SCAND3: variants seen among roughly 807,000 people sequenced by gnomAD.
SCAND3 encodes the protein SCAN domain-containing protein 3.
chr6:28,601,960 T>C, the SCAND3 span, among the ~76,000 whole-genome samples: 1 of 142,522 alleles, frequency 7.0e-6, no homozygotes, highest in Non-Finnish European at 1.5e-5. Context: ...ATGCCCTCCA[T>C]TTCCCTCTCT....
the SCAND3 span, among the ~76,000 whole-genome samples, chr6:28,602,490 GAGCCACAGTGCCC>G: frequency 2.0e-5 from 3 of 152,212 alleles, no homozygotes; most frequent in African/African-American, 7.2e-5. Context: ...TTACAGGCGT[GAGCCACAGTGCCC>G]AGCCTCTTTT....
the SCAND3 span, among the ~76,000 whole-genome samples, chr6:28,604,293 C>T: frequency 6.6e-6 from 1 of 152,196 alleles, no homozygotes; most frequent in Non-Finnish European, 1.5e-5. Flanking sequence ...AATTCCTTCC[C>T]CAGCTGTAGC....
the SCAND3 span, among the ~76,000 whole-genome samples, chr6:28,608,621 C>T: frequency 6.6e-6 from 1 of 152,120 alleles, no homozygotes; most frequent in Non-Finnish European, 1.5e-5. Flanking sequence ...AGGAAAGAAA[C>T]CAGTTTTTCC....
the SCAND3 span, among the ~76,000 whole-genome samples, chr6:28,593,908 G>A: frequency 3.9e-4 from 60 of 152,110 alleles, no homozygotes; most frequent in Non-Finnish European, 7.5e-4. Flanking sequence ...GTCTCCTTAT[G>A]TTAGCCAGGC....
At chr6:28,595,330 CAAA>C in the SCAND3 span, among the ~76,000 whole-genome samples, 7 of 37,330 alleles carry the variant, frequency 1.9e-4, no homozygotes, top group Non-Finnish European at 3.2e-4. Flanking sequence ...AACCCAGTCT[CAAA>C]AAAAAAAAAA....
At chr6:28,604,959 T>C in the SCAND3 span, among the ~76,000 whole-genome samples, 1 of 152,210 alleles carries the variant, frequency 6.6e-6, no homozygotes, top group Non-Finnish European at 1.5e-5. Flanking sequence ...TATTTCTACT[T>C]CTGCCAGGAG....
the SCAND3 span, chr6:28,571,889 T>C: frequency 1.2e-6 from 2 of 1,605,866 alleles, no homozygotes; most frequent in Non-Finnish European, 1.7e-6. Flanking sequence ...ACCAATACCT[T>C]ACATATCAAT....
At chr6:28,589,575 C>T in the SCAND3 span, 2 of 152,148 alleles carry the variant, frequency 1.3e-5, no homozygotes, top group Non-Finnish European at 2.9e-5. Flanking sequence ...ATTGAACTCT[C>T]CCCTTCTATC....
the SCAND3 span, among the ~76,000 whole-genome samples, chr6:28,612,142 T>G: frequency 6.6e-6 from 1 of 152,076 alleles, no homozygotes; most frequent in African/African-American, 2.4e-5. Flanking sequence ...CTTCAAGCGA[T>G]TCTCCTGAGT....
chr6:28,603,515 T>A, the SCAND3 span, among the ~76,000 whole-genome samples: 1 of 152,180 alleles, frequency 6.6e-6, no homozygotes, highest in South Asian at 2.1e-4. Flanking sequence ...GGTGTGTAGT[T>A]ATAGTTGTTT....
the SCAND3 span, among the ~76,000 whole-genome samples, chr6:28,599,621 T>G: frequency 6.6e-6 from 1 of 152,192 alleles, no homozygotes; most frequent in South Asian, 2.1e-4. Flanking sequence ...ACTCTTCTCT[T>G]GTCTGCCACC....
the SCAND3 span, among the ~76,000 whole-genome samples, chr6:28,582,009 T>C: frequency 6.6e-6 from 1 of 152,184 alleles, no homozygotes; most frequent in Non-Finnish European, 1.5e-5. This position sits in a 1 kb window ranked among gnomAD's most constrained non-coding sequence, Gnocchi z 4.8. Flanking sequence ...CACTAAGAGA[T>C]ATTTATAACT....
At chr6:28,593,321 T>C in the SCAND3 span, among the ~76,000 whole-genome samples, 1 of 151,410 alleles carries the variant, frequency 6.6e-6, no homozygotes, top group African/African-American at 2.4e-5. Context: ...TCAGCATCAC[T>C]AAGCATGGAG....
chr6:28,574,982 T>A, the SCAND3 span: 1 of 1,613,802 alleles, frequency 6.2e-7, no homozygotes, highest in Non-Finnish European at 8.5e-7. Context: ...ATATCACTAC[T>A]GTCTGTTCCA....
the SCAND3 span, among the ~76,000 whole-genome samples, chr6:28,612,390 A>G: frequency 1.3e-5 from 2 of 152,154 alleles, no homozygotes; most frequent in African/African-American, 4.8e-5. Flanking sequence ...GGTGTACTCA[A>G]TGTATCAGTT....
the SCAND3 span, among the ~76,000 whole-genome samples, chr6:28,597,311 T>C: frequency 1.3e-5 from 2 of 152,184 alleles, no homozygotes; most frequent in Non-Finnish European, 1.5e-5. Context: ...ACCCATCCTT[T>C]CAGAGGGTTA....
chr6:28,602,031 A>G, the SCAND3 span, among the ~76,000 whole-genome samples: 1 of 152,190 alleles, frequency 6.6e-6, no homozygotes, highest in African/African-American at 2.4e-5. Flanking sequence ...AGCTATGGGA[A>G]CTATGGCTAT....
At chr6:28,596,902 C>G in the SCAND3 span, among the ~76,000 whole-genome samples, 1 of 152,124 alleles carries the variant, frequency 6.6e-6, no homozygotes, top group Non-Finnish European at 1.5e-5. Flanking sequence ...CTGAAAATAC[C>G]TGCAAAATAT....
At chr6:28,614,198 A>G in the SCAND3 span, among the ~76,000 whole-genome samples, 1 of 152,136 alleles carries the variant, frequency 6.6e-6, no homozygotes, top group Non-Finnish European at 1.5e-5. Flanking sequence ...TCCTGACCTC[A>G]GGTGATCCAC....
Sources: gnomAD v4.1 joint callset for allele counts (sites outside exome capture counted in the v4.1 genomes callset) on GRCh38, gnomAD v4.1.1 for gene constraint, Gnocchi (gnomAD v3.1) non-coding constraint, MANE v1.5 for transcripts, NCBI Gene and HGNC (gene_info 2026-07-23, HGNC 2026-07-21) for gene names.